Variants in FAM227B observed in about 807,000 individuals in gnomAD.
The protein encoded by FAM227B is family with sequence similarity 227 member B.
FAM227B carries 88 observed loss-of-function variants against 73.8 expected under a neutral mutation model. The observed-to-expected ratio is 1.19, with a 90% confidence interval of 1.00 to 1.42. FAM227B has a LOEUF of 1.42. FAM227B is among the 40% of genes most tolerant of loss of function. The pLI is 0.00. For missense variants in FAM227B, 632 were observed against 590.9 expected, an observed-to-expected ratio of 1.07 and a Z score of -0.72; for synonymous variants, 210 against 190.5, an observed-to-expected ratio of 1.10 and a Z score of -0.84.
chr15:49,556,078 G>A lies in FAM227B; in HGVS notation c.747+12167C>T, dbSNP rs140350765. Among the ~76,000 whole-genome samples, 23 of 152,134 alleles carry A rather than the reference G, an allele frequency of 1.5e-4. No homozygotes were observed. In the East Asian group the frequency reaches 1.7e-3, roughly 11 times the overall value. On this transcript the variant is annotated intron_variant, in intron 9 of 15. Transcript: ENST00000299338. The stretch of plus-strand genomic sequence containing the variant: ...GCTCATCGAGTCTGACAAGTGACCC[G>A]GGAACCATTTCATCCTGATTAAGAA...
At chr15:49,516,372 G>A (rs2059379511) in intron 10 of FAM227B, among the ~76,000 whole-genome samples, 1 of 151,882 alleles carries the variant, frequency 6.6e-6, no homozygotes, top group South Asian at 2.1e-4. Context: ...GTTATTACTT[G>A]ATTTTATGGC....
chr15:49,573,102 T>C (rs2075223870), intron 8 of FAM227B, among the ~76,000 whole-genome samples: 1 of 152,066 alleles, frequency 6.6e-6, no homozygotes, highest in Admixed American at 6.6e-5. Flanking sequence ...TAAATACTGC[T>C]TTAGTTATAT....
intron 2 of FAM227B, 83 bp from the exon 3 acceptor site, chr15:49,611,351 AAT>A (rs1229031505): frequency 1.4e-6 from 1 of 690,426 alleles, no homozygotes; most frequent in African/African-American, 1.8e-5. Context: ...ACTTAAATAA[AAT>A]GATACTCTAT....
intron 10 of FAM227B, among the ~76,000 whole-genome samples, chr15:49,534,834 A>G (rs916852688): frequency 6.6e-6 from 1 of 151,748 alleles, no homozygotes; most frequent in East Asian, 1.9e-4. Context: ...AAATCAATGT[A>G]ATCCTGGCCA....
chr15:49,543,753 G>C (rs1180360625), intron 9 of FAM227B, among the ~76,000 whole-genome samples: 1 of 151,988 alleles, frequency 6.6e-6, no homozygotes, highest in African/African-American at 2.4e-5. Flanking sequence ...TGTTAAATAG[G>C]GTCTCCTTTT....
chr15:49,361,156 C>G (rs2044158315), intron 13 of FAM227B, among the ~76,000 whole-genome samples: 1 of 152,052 alleles, frequency 6.6e-6, no homozygotes, highest in African/African-American at 2.4e-5. Flanking sequence ...CATAACATCA[C>G]TTTTTACCCC....
intron 11 of FAM227B, among the ~76,000 whole-genome samples, chr15:49,384,065 C>G (rs1014620819): frequency 6.6e-5 from 10 of 152,064 alleles, no homozygotes; most frequent in African/African-American, 2.4e-4. Flanking sequence ...CTCAACATTC[C>G]TCTTTGCCAT....
chr15:49,611,731 A>G (rs2077935276), intron 2 of FAM227B, among the ~76,000 whole-genome samples: 2 of 152,206 alleles, frequency 1.3e-5, no homozygotes, highest in Non-Finnish European at 2.9e-5. Flanking sequence ...CACATTTTTT[A>G]GTAGTTTCTT....
intron 4 of FAM227B, among the ~76,000 whole-genome samples, chr15:49,588,335 C>G (rs1354454850): frequency 6.6e-6 from 1 of 150,676 alleles, no homozygotes; most frequent in Admixed American, 6.6e-5. Flanking sequence ...GCACTTACTC[C>G]TATGTCTAAA....
rs577846460 is a variant in FAM227B at position 49,375,336 on chromosome 15, G to C, written c.1013-3937C>G. Reference sequence around the variant, plus strand: ...TAAATTAGTGATTCATATCACACTTGGTTCCCAAGGAAAGTGCCATCTTAT... The same window carrying C: ...TAAATTAGTGATTCATATCACACTTCGTTCCCAAGGAAAGTGCCATCTTAT... On this transcript the variant is annotated intron_variant, in intron 11 of 15. Coordinates refer to ENST00000299338, the MANE Select transcript of FAM227B (RefSeq NM_152647.3). Among the ~76,000 whole-genome samples the C allele has an allele frequency of 4.6e-5, 7 of 152,176 alleles. No individual in the cohort carries two copies. The South Asian group carries it at 1.2e-3, about 27-fold the overall frequency.
intron 13 of FAM227B, among the ~76,000 whole-genome samples, chr15:49,364,765 A>T (rs2044834200): frequency 6.6e-6 from 1 of 152,194 alleles, no homozygotes; most frequent in African/African-American, 2.4e-5. Flanking sequence ...AAACCCATTC[A>T]GAAACTCACT....
intron 11 of FAM227B, chr15:49,425,454 CATTAAGGATTTAAAATA>C (rs1293655982): frequency 4.6e-5 from 7 of 151,950 alleles, no homozygotes; most frequent in Non-Finnish European, 1.0e-4. Context: ...TCAACATGTA[CATTAAGGATTTAAAATA>C]CTTAGTAAAA....
rs1009904851 is a variant in FAM227B, at chr15:49,544,087, T to C, written c.748-2281A>G. Among the ~76,000 whole-genome samples, 6 of 152,206 alleles carry C rather than the reference T, an allele frequency of 3.9e-5. No individual in the cohort carries two copies. In the East Asian group the frequency reaches 7.7e-4, roughly 20 times the overall value. ...AATTTGTAGGTTGCTTTTGGCAGTATGATCATTTTCACAATATTGATTCTA... is the reference window on the plus strand; with the variant it reads ...AATTTGTAGGTTGCTTTTGGCAGTACGATCATTTTCACAATATTGATTCTA... On this transcript the variant is annotated intron_variant, in intron 9 of 15. Transcript: ENST00000299338.
chr15:49,354,794 GACAA>G (rs771028181), intron 13 of FAM227B, among the ~76,000 whole-genome samples: 3 of 152,052 alleles, frequency 2.0e-5, no homozygotes, highest in East Asian at 3.9e-4. Context: ...GCAGGGCACA[GACAA>G]ACAAAAAGAC....
intron 5 of FAM227B, among the ~76,000 whole-genome samples, chr15:49,583,396 G>C (rs191971315): frequency 3.3e-5 from 5 of 151,978 alleles, no homozygotes; most frequent in Admixed American, 1.3e-4. Context: ...CCAAAATGGC[G>C]ACGAGAGTGA....
At chr15:49,383,813 GACAA>G (rs756071531) in intron 11 of FAM227B, among the ~76,000 whole-genome samples, 5 of 151,988 alleles carry the variant, frequency 3.3e-5, no homozygotes, top group Non-Finnish European at 5.9e-5. Context: ...GCTATTTAAA[GACAA>G]ACAAAGAAAA....
intron 3 of FAM227B, among the ~76,000 whole-genome samples, chr15:49,596,331 T>A (rs2076880130): frequency 6.6e-6 from 1 of 151,892 alleles, no homozygotes; most frequent in African/African-American, 2.4e-5. Flanking sequence ...AAAATTATTA[T>A]CAGTTAAGAA....
At chr15:49,415,219 C>T (rs771761685) in intron 11 of FAM227B, among the ~76,000 whole-genome samples, 27 of 152,254 alleles carry the variant, frequency 1.8e-4, no homozygotes, top group Non-Finnish European at 3.5e-4. Context: ...TGCTGCCTTG[C>T]TACATAGACA....
chr15:49,431,630 T>C lies in FAM227B; in HGVS notation c.1013-60231A>G, dbSNP rs73398290. Among the ~76,000 whole-genome samples the C allele has an allele frequency of 9.7e-3, 1,478 of 151,776 alleles. 23 individuals carry two copies. The highest frequency in any genetic ancestry group is 0.034 in the African/African-American group (1,419 of 41,448). ...AAAGTAATCTCTTCTACTGGAGTGG[T>C]CATGAGTACTTGATAGAGTCATTAG... On this transcript the variant is annotated intron_variant, in intron 11 of 15. Coordinates refer to ENST00000299338, the MANE Select transcript of FAM227B (RefSeq NM_152647.3).
Sources: allele counts gnomAD v4.1 joint callset (sites outside exome capture counted in the v4.1 genomes callset), GRCh38; gene constraint gnomAD v4.1.1; transcripts MANE v1.5; gene names NCBI Gene and HGNC (gene_info 2026-07-23, HGNC 2026-07-21).